Variants in GPC5 observed in about 807,000 individuals in gnomAD.
GPC5 encodes the protein glypican 5, also known as glypican-5.
GPC5 carries 47 observed loss-of-function variants against 53.9 expected under a neutral mutation model. The ratio of observed to expected loss-of-function variants is 0.87; its 90% CI spans 0.69 to 1.11. GPC5 has a LOEUF of 1.11. Ranked by LOEUF, GPC5 falls within the 50% of genes most tolerant of loss-of-function variation. GPC5 has a pLI of 0.00. For missense variants in GPC5, 748 were observed against 713.1 expected (o/e 1.05, Z -0.56); for synonymous variants, 286 against 263.3 (o/e 1.09, Z -0.84).
chr13:91,794,545 A>C (rs999455330), intron 5 of GPC5, among the ~76,000 whole-genome samples: 1 of 152,228 alleles, frequency 6.6e-6, no homozygotes, highest in Non-Finnish European at 1.5e-5. Context: ...TAAAGATATT[A>C]CATGTCTGGC....
In GPC5 at chr13:92,292,171, A is replaced by G. The variant is rs558356394; in HGVS notation, c.1561+147182A>G. ...GCATATGCAAGTATCTTTTTCATAT[A>G]ATGACTTCTTTTCCTCTAAGTAGAT... On this transcript the variant is annotated intron_variant, in intron 7 of 7. Coordinates refer to ENST00000377067, the MANE Select transcript of GPC5 (RefSeq NM_004466.6). 1.8e-3 allele frequency among the ~76,000 whole-genome samples: 268 copies of G among 152,308 alleles called. 1 individual carries two copies. Among genetic ancestry groups the G allele is most frequent in the Non-Finnish European group, 3.0e-3 (201 of 68,022 alleles).
chr13:92,262,541 A>T (rs2042774037), intron 7 of GPC5, among the ~76,000 whole-genome samples: 1 of 152,174 alleles, frequency 6.6e-6, no homozygotes, highest in South Asian at 2.1e-4. Flanking sequence ...TTTAGCATTA[A>T]TGCCATGCAT....
chr13:92,147,376 C>T (rs1461494392), intron 7 of GPC5, among the ~76,000 whole-genome samples: 2 of 151,544 alleles, frequency 1.3e-5, no homozygotes, highest in Non-Finnish European at 2.9e-5. Flanking sequence ...CAAAGTAAAG[C>T]ATTTTTTTGT....
intron 6 of GPC5, among the ~76,000 whole-genome samples, chr13:91,935,306 C>A (rs1038315285): frequency 6.6e-6 from 1 of 151,794 alleles, no homozygotes; most frequent in Non-Finnish European, 1.5e-5. Context: ...AAATCCTAAC[C>A]CCCAAAGCAA....
chr13:92,650,184 G>T (rs1042046487), intron 7 of GPC5, among the ~76,000 whole-genome samples: 7 of 152,026 alleles, frequency 4.6e-5, no homozygotes, highest in African/African-American at 1.7e-4. Context: ...TTGTATGTCA[G>T]GTAGGAATGC....
intron 7 of GPC5, among the ~76,000 whole-genome samples, chr13:92,557,804 A>G (rs899417973): frequency 3.3e-5 from 5 of 151,888 alleles, no homozygotes; most frequent in Non-Finnish European, 5.9e-5. Context: ...CTCAATCAGC[A>G]CTTAGGCTTA....
chr13:91,571,956 C>CGTATATGTATATATGTGT (rs770238835), intron 2 of GPC5, among the ~76,000 whole-genome samples: 5 of 128,786 alleles, frequency 3.9e-5, no homozygotes, highest in South Asian at 2.4e-4. Context: ...CATATACACA[C>CGTATATGTATATATGTGT]ATATATGTAT....
At chr13:91,612,704 G>A (rs2033589756) in intron 2 of GPC5, among the ~76,000 whole-genome samples, 1 of 152,082 alleles carries the variant, frequency 6.6e-6, no homozygotes, top group Non-Finnish European at 1.5e-5. Flanking sequence ...CCAATACAAT[G>A]AGATATGTAT....
chr13:91,434,385 G>A (rs931943288), intron 1 of GPC5, among the ~76,000 whole-genome samples: 165 of 152,160 alleles, frequency 1.1e-3, no homozygotes, highest in Non-Finnish European at 1.9e-3. Context: ...TGTATAAGGT[G>A]TAAGGAAGGG....
chr13:92,279,779 T>C (rs1333396776), intron 7 of GPC5, among the ~76,000 whole-genome samples: 1 of 152,048 alleles, frequency 6.6e-6, no homozygotes, highest in Non-Finnish European at 1.5e-5. Context: ...CACTTTGCTA[T>C]GGTATATAAT....
At chr13:92,441,935 G>A (rs1877588257) in intron 7 of GPC5, among the ~76,000 whole-genome samples, 1 of 152,070 alleles carries the variant, frequency 6.6e-6, no homozygotes, top group Admixed American at 6.6e-5. Flanking sequence ...ATATGTTAAG[G>A]CAAGTGGCCT....
intron 5 of GPC5, among the ~76,000 whole-genome samples, chr13:91,903,392 A>G (rs1414908748): frequency 6.6e-6 from 1 of 152,074 alleles, no homozygotes. Flanking sequence ...ATTGTTGGGT[A>G]TATGCCCAAG....
intron 7 of GPC5, among the ~76,000 whole-genome samples, chr13:92,474,072 T>C (rs1246320491): frequency 6.6e-6 from 1 of 152,104 alleles, no homozygotes; most frequent in Non-Finnish European, 1.5e-5. Flanking sequence ...TTGAAAAAGG[T>C]AATTATTCTA....
intron 7 of GPC5, among the ~76,000 whole-genome samples, chr13:92,308,901 T>C (rs1052131196): frequency 1.3e-5 from 2 of 152,118 alleles, no homozygotes; most frequent in African/African-American, 4.8e-5. Context: ...ATTGGATACA[T>C]TCAAGCATGG....
chr13:92,642,772 A>G (rs1037543942), intron 7 of GPC5, among the ~76,000 whole-genome samples: 1 of 152,184 alleles, frequency 6.6e-6, no homozygotes, highest in African/African-American at 2.4e-5. Flanking sequence ...CCTGAAATAG[A>G]AGAAACAGAG....
chr13:91,744,247 A>C (rs757736039), intron 4 of GPC5, among the ~76,000 whole-genome samples: 3 of 152,162 alleles, frequency 2.0e-5, no homozygotes, highest in Non-Finnish European at 4.4e-5. Flanking sequence ...ACTATACATT[A>C]ATTATTCCTG....
At chr13:91,970,370 A>G (rs1265143708) in intron 6 of GPC5, among the ~76,000 whole-genome samples, 2 of 152,100 alleles carry the variant, frequency 1.3e-5, no homozygotes, top group Non-Finnish European at 2.9e-5. Context: ...CTAATGTACA[A>G]TGTCATGATT....
intron 7 of GPC5, among the ~76,000 whole-genome samples, chr13:92,233,517 G>C (rs1355240354): frequency 1.3e-5 from 2 of 152,126 alleles, no homozygotes; most frequent in African/African-American, 4.8e-5. Flanking sequence ...TAGGATCTTT[G>C]GCTGGGTCTA....
chr13:91,748,710 T>A (rs192731434), intron 4 of GPC5, among the ~76,000 whole-genome samples: 1 of 152,216 alleles, frequency 6.6e-6, no homozygotes, highest in Non-Finnish European at 1.5e-5. Flanking sequence ...AGGGGCTAGA[T>A]GAGAAATGAG....
Sources: gnomAD v4.1 joint callset for allele counts (sites outside exome capture counted in the v4.1 genomes callset) on GRCh38, gnomAD v4.1.1 for gene constraint, MANE v1.5 for transcripts, NCBI Gene and HGNC (gene_info 2026-07-23, HGNC 2026-07-21) for gene names.